The following CALN1 variants were observed in gnomAD, a reference collection of about 807,000 sequenced individuals.
The protein encoded by CALN1 is calcium-binding protein 8.
In CALN1, 17 loss-of-function variants were observed where a neutral mutation model predicts 30.6. The observed-to-expected ratio is 0.56, with a 90% CI of 0.38 to 0.83. CALN1 has a LOEUF of 0.83. Among genes scored for constraint, CALN1 ranks in the 40% least tolerant of loss-of-function variants. CALN1 has a pLI of 0.00. For synonymous variants in CALN1, 156 were observed against 131.4 expected (o/e 1.19, Z -1.28); for missense variants, 291 against 354.9 (o/e 0.82, Z 1.45).
At chr7:71,795,673 C>T (rs115620571) in intron 6 of CALN1, among the ~76,000 whole-genome samples, 199 of 152,238 alleles carry the variant, frequency 1.3e-3, no homozygotes, top group African/African-American at 4.5e-3. Context: ...ACTAATCTAC[C>T]GTCTGTCTCT....
At chr7:71,847,679 CAA>C (rs1212307088) in intron 5 of CALN1, among the ~76,000 whole-genome samples, 2 of 68,800 alleles carry the variant, frequency 2.9e-5, no homozygotes. Context: ...GAGACTCTGT[CAA>C]AAAAAAAAAG....
intron 6 of CALN1, among the ~76,000 whole-genome samples, chr7:71,792,160 C>A (rs1786605141): frequency 6.6e-6 from 1 of 152,144 alleles, no homozygotes; most frequent in Admixed American, 6.5e-5. Flanking sequence ...GATTATCATG[C>A]ATTTGCATTG....
chr7:72,391,259 G>C (rs1437776856), intron 2 of CALN1, among the ~76,000 whole-genome samples: 3 of 152,202 alleles, frequency 2.0e-5, no homozygotes, highest in African/African-American at 7.2e-5. Context: ...AGAGGGCTAA[G>C]ATGGTACAAA....
intron 2 of CALN1, among the ~76,000 whole-genome samples, chr7:72,358,813 G>A (rs546259586): frequency 1.2e-4 from 18 of 152,102 alleles, no homozygotes; most frequent in Non-Finnish European, 2.2e-4. Context: ...GCTGGGCATG[G>A]TGGCGGGCAC....
At chr7:72,245,732 G>A (rs920438289) in intron 3 of CALN1, among the ~76,000 whole-genome samples, 2 of 152,200 alleles carry the variant, frequency 1.3e-5, no homozygotes. Flanking sequence ...AGGCAATGCT[G>A]GGATTTTCAT....
chr7:71,948,236 TGG>T (rs11303400), intron 5 of CALN1, among the ~76,000 whole-genome samples: 2 of 151,766 alleles, frequency 1.3e-5, no homozygotes, highest in Non-Finnish European at 2.9e-5. Flanking sequence ...CTGTTCTGAG[TGG>T]GGGGGAAGAG....
chr7:72,272,546 A>G (rs949134842), intron 3 of CALN1, among the ~76,000 whole-genome samples: 1 of 152,186 alleles, frequency 6.6e-6, no homozygotes. Flanking sequence ...TAGGCGACAG[A>G]GCCAGACTCT....
chr7:71,908,839 T>C (rs533568981), intron 5 of CALN1, among the ~76,000 whole-genome samples: 1 of 152,312 alleles, frequency 6.6e-6, no homozygotes, highest in South Asian at 2.1e-4. Flanking sequence ...GTCAACTTGG[T>C]CCATTGATTC....
intron 5 of CALN1, among the ~76,000 whole-genome samples, chr7:71,837,554 T>C (rs547039500): frequency 6.6e-6 from 1 of 152,228 alleles, no homozygotes; most frequent in South Asian, 2.1e-4. Flanking sequence ...CCTGGGAAGG[T>C]TATGATCCAT....
intron 4 of CALN1, among the ~76,000 whole-genome samples, chr7:72,060,878 T>C (rs955309132): frequency 1.3e-5 from 2 of 152,196 alleles, no homozygotes; most frequent in African/African-American, 2.4e-5. Flanking sequence ...GCTTCTTGTA[T>C]AGCCTACAGA....
chr7:72,417,426 G>C (rs1455593345), intron 1 of CALN1, among the ~76,000 whole-genome samples: 1 of 152,200 alleles, frequency 6.6e-6, no homozygotes, highest in African/African-American at 2.4e-5. Flanking sequence ...AAGTAAATGA[G>C]AACCTAAACC....
upstream of CALN1, among the ~76,000 whole-genome samples, chr7:72,413,218 TAC>T (rs902863955): frequency 2.0e-5 from 3 of 149,160 alleles, no homozygotes; most frequent in Non-Finnish European, 3.0e-5. Flanking sequence ...CACACACTCA[TAC>T]ACACATATAC....
At chr7:72,270,937 A>G (rs1018097069) in intron 3 of CALN1, among the ~76,000 whole-genome samples, 1 of 152,220 alleles carries the variant, frequency 6.6e-6, no homozygotes, top group Non-Finnish European at 1.5e-5. Context: ...TAGGAAGTGG[A>G]AACTTGACCC....
intron 4 of CALN1, among the ~76,000 whole-genome samples, chr7:72,040,975 A>G (rs1344783834): frequency 6.6e-6 from 1 of 152,196 alleles, no homozygotes; most frequent in African/African-American, 2.4e-5. Flanking sequence ...AGAGAAGAAC[A>G]ATGGGATAGT....
chr7:72,104,430 G>A (rs1806932798), intron 4 of CALN1, among the ~76,000 whole-genome samples: 1 of 152,122 alleles, frequency 6.6e-6, no homozygotes, highest in African/African-American at 2.4e-5. Flanking sequence ...GGGTCCATGT[G>A]CAGGATGTGC....
chr7:72,097,818 A>G (rs1490441764), intron 4 of CALN1, among the ~76,000 whole-genome samples: 1 of 152,040 alleles, frequency 6.6e-6, no homozygotes, highest in Non-Finnish European at 1.5e-5. Flanking sequence ...GGTTCAAGCA[A>G]TTCTCCTGCC....
chr7:72,213,737 G>GT (rs1465112812), intron 3 of CALN1, among the ~76,000 whole-genome samples: 1 of 152,168 alleles, frequency 6.6e-6, no homozygotes, highest in African/African-American at 2.4e-5. Context: ...GTGACCAGCT[G>GT]TGTCTACTCA....
At chr7:72,245,623 T>A (rs577406707) in intron 3 of CALN1, among the ~76,000 whole-genome samples, 38 of 68,150 alleles carry the variant, frequency 5.6e-4, no homozygotes, top group Admixed American at 3.9e-3. Context: ...CATCTCTAAA[T>A]AAATAAATAA....
Position 72,368,752 on chromosome 7 carries a change from CCAAAGT to C in CALN1, c.119+34493_119+34498del, listed in dbSNP as rs990442552. 1.1e-4 allele frequency among the ~76,000 whole-genome samples: 16 copies of C among 151,592 alleles called. No homozygotes were observed. In the East Asian group the frequency reaches 2.1e-3, roughly 20 times the overall value. On this transcript the variant is annotated intron_variant, in intron 2 of 6. Transcript: ENST00000395275. ...ATGACACTTCAACCATAAGCCAAAG[CCAAAGT>C]CCTAGTGAAATTTCTGCTGATTTCA...
Sources: allele counts gnomAD v4.1 joint callset (sites outside exome capture counted in the v4.1 genomes callset), GRCh38; gene constraint gnomAD v4.1.1; transcripts MANE v1.5; gene names NCBI Gene and HGNC (gene_info 2026-07-23, HGNC 2026-07-21).